The following RPSA2 variants were observed in gnomAD, a reference collection of about 807,000 sequenced individuals.
RPSA2 encodes the protein small ribosomal subunit protein uS2B.
At chr19:23,862,710 C>A in the RPSA2 span, among the ~76,000 whole-genome samples, 1 of 151,574 alleles carries the variant, frequency 6.6e-6, no homozygotes, top group Non-Finnish European at 1.5e-5. Context: ...ATATATTGAA[C>A]CAGCCTTGAA....
the RPSA2 span, among the ~76,000 whole-genome samples, chr19:23,796,564 G>GTAC: frequency 3.3e-5 from 5 of 151,994 alleles, no homozygotes; most frequent in Admixed American, 3.3e-4. Flanking sequence ...ACACAGCTGT[G>GTAC]AATCTGTCTG....
chr19:23,824,731 T>A, the RPSA2 span, among the ~76,000 whole-genome samples: 343 of 151,692 alleles, frequency 2.3e-3, 2 homozygotes, highest in Non-Finnish European at 4.1e-3. Flanking sequence ...ACTGTGCTAG[T>A]GGTGATGAAC....
At chr19:23,772,468 T>G in the RPSA2 span, among the ~76,000 whole-genome samples, 1 of 152,198 alleles carries the variant, frequency 6.6e-6, no homozygotes, top group Non-Finnish European at 1.5e-5. Context: ...AGTGCGATGA[T>G]TACTCTCATA....
chr19:23,780,370 G>A, the RPSA2 span, among the ~76,000 whole-genome samples: 61 of 152,190 alleles, frequency 4.0e-4, no homozygotes, highest in East Asian at 1.9e-3. Flanking sequence ...TCGGCCGGGC[G>A]CGGTGGCTCA....
At chr19:23,801,278 T>A in the RPSA2 span, among the ~76,000 whole-genome samples, 1 of 124,532 alleles carries the variant, frequency 8.0e-6, no homozygotes, top group Non-Finnish European at 1.7e-5. Flanking sequence ...TCTTGCTCTG[T>A]CACCAGGCTG....
the RPSA2 span, among the ~76,000 whole-genome samples, chr19:23,775,026 A>G: frequency 1.3e-5 from 2 of 152,182 alleles, no homozygotes; most frequent in Non-Finnish European, 2.9e-5. Context: ...GAGACAAACT[A>G]TCTTTCATAT....
chr19:23,807,849 G>A, the RPSA2 span: 1 of 436,198 alleles, frequency 2.3e-6, no homozygotes, highest in South Asian at 1.9e-5. Flanking sequence ...TTAGGTATGT[G>A]GCCATAGAAT....
At chr19:23,807,095 GT>G in the RPSA2 span, among the ~76,000 whole-genome samples, 3 of 151,818 alleles carry the variant, frequency 2.0e-5, no homozygotes, top group Non-Finnish European at 2.9e-5. Flanking sequence ...CACTATAGAG[GT>G]TTTTTTTCCT....
chr19:23,849,223 G>C, the RPSA2 span, among the ~76,000 whole-genome samples: 2 of 152,348 alleles, frequency 1.3e-5, no homozygotes, highest in South Asian at 4.1e-4. Flanking sequence ...GGTAAACAAA[G>C]CAGAATGCTT....
At chr19:23,803,404 A>T in the RPSA2 span, among the ~76,000 whole-genome samples, 140,862 of 152,006 alleles carry the variant, frequency 0.93, 65,377 homozygotes, top group Middle Eastern at 0.99. Context: ...AATTAAAAAA[A>T]TTTTTTTTAA....
the RPSA2 span, among the ~76,000 whole-genome samples, chr19:23,804,522 C>T: frequency 1.3e-5 from 2 of 151,870 alleles, no homozygotes; most frequent in South Asian, 2.1e-4. Flanking sequence ...GTCTCGATCT[C>T]CTGACCTCGT....
At chr19:23,827,712 G>T in the RPSA2 span, 1 of 1,583,362 alleles carries the variant, frequency 6.3e-7, no homozygotes. Context: ...GAAGTTCTGC[G>T]CATGCGTGGC....
At chr19:23,770,929 T>C in the RPSA2 span, among the ~76,000 whole-genome samples, 20 of 152,310 alleles carry the variant, frequency 1.3e-4, no homozygotes, top group African/African-American at 4.6e-4. Context: ...GTGATGCATA[T>C]CTTATCCAAA....
chr19:23,827,119 G>C, the RPSA2 span: 1 of 759,322 alleles, frequency 1.3e-6, no homozygotes. Flanking sequence ...TCCATACGGC[G>C]TTGTTCTGGA....
At chr19:23,858,238 C>A in the RPSA2 span, among the ~76,000 whole-genome samples, 1 of 124,670 alleles carries the variant, frequency 8.0e-6, no homozygotes, top group Non-Finnish European at 1.6e-5. Context: ...GCACACCTGA[C>A]CTGAAAGGGT....
the RPSA2 span, among the ~76,000 whole-genome samples, chr19:23,782,850 CAA>C: frequency 6.6e-6 from 1 of 152,096 alleles, no homozygotes; most frequent in Non-Finnish European, 1.5e-5. Context: ...GCCCTACCCA[CAA>C]GAGACATTGT....
chr19:23,860,236 C>G, the RPSA2 span, among the ~76,000 whole-genome samples: 2 of 152,182 alleles, frequency 1.3e-5, no homozygotes, highest in African/African-American at 2.4e-5. Flanking sequence ...TCCAACATCT[C>G]TTATTGTCTC....
At chr19:23,783,539 CA>C in the RPSA2 span, among the ~76,000 whole-genome samples, 221 of 130,968 alleles carry the variant, frequency 1.7e-3, no homozygotes, top group African/African-American at 4.6e-3. Context: ...TGAGCACTGC[CA>C]AAAAAAAAAA....
chr19:23,844,548 T>A, the RPSA2 span, among the ~76,000 whole-genome samples: 1 of 152,126 alleles, frequency 6.6e-6, no homozygotes, highest in Non-Finnish European at 1.5e-5. Flanking sequence ...TTACTATGCT[T>A]TTAGTTTGAG....
Sources: allele counts gnomAD v4.1 joint callset (sites outside exome capture counted in the v4.1 genomes callset), GRCh38; gene constraint gnomAD v4.1.1; transcripts MANE v1.5; gene names NCBI Gene and HGNC (gene_info 2026-07-23, HGNC 2026-07-21).